The following ACVR1 variants were observed in gnomAD, a reference collection of about 807,000 sequenced individuals.
The protein encoded by ACVR1 is activin A receptor type 1.
ACVR1 carries 38 observed loss-of-function variants against 57.1 expected under a neutral mutation model. The ratio of observed to expected loss-of-function variants is 0.67; its 90% CI spans 0.51 to 0.87. The LOEUF (loss-of-function observed/expected upper bound fraction) is 0.87, where lower values mean the gene tolerates loss of function less well. ACVR1 is among the 40% of genes least tolerant of loss of function. The pLI is 0.00. For missense variants in ACVR1, 463 were observed against 638.2 expected (o/e 0.73, Z 2.96); for synonymous variants, 212 against 228.1 (o/e 0.93, Z 0.63).
intron 1 of ACVR1, among the ~76,000 whole-genome samples, chr2:157,830,349 A>C (rs921597397): frequency 6.6e-6 from 1 of 152,178 alleles, no homozygotes; most frequent in Non-Finnish European, 1.5e-5. Flanking sequence ...AAGAAATAAT[A>C]ATGCTAATGG....
intron 5 of ACVR1, among the ~76,000 whole-genome samples, chr2:157,775,364 C>T (rs1686240467): frequency 6.6e-6 from 1 of 152,192 alleles, no homozygotes; most frequent in Admixed American, 6.5e-5. Flanking sequence ...AGGTATCAGG[C>T]ATAGATTATC....
At chr2:157,840,840 A>G (rs899388646) in intron 1 of ACVR1, among the ~76,000 whole-genome samples, 4 of 152,254 alleles carry the variant, frequency 2.6e-5, no homozygotes, top group African/African-American at 9.6e-5. Flanking sequence ...GCAGCCGTCC[A>G]CTTTATCATT....
chr2:157,837,342 G>A lies in ACVR1; in HGVS notation c.-182-18783C>T, dbSNP rs777719813. Among the ~76,000 whole-genome samples, 8 of 152,212 alleles carry A rather than the reference G, an allele frequency of 5.3e-5. 1 individual carries two copies. The highest frequency in any genetic ancestry group is 7.4e-5 in the Non-Finnish European group (5 of 68,022). ...CAGTAAGTTCCCAAAGTCAGGTCTCGTCTGAGCACAGCCTTACCTGGCCCA... is the reference window on the plus strand; with the variant it reads ...CAGTAAGTTCCCAAAGTCAGGTCTCATCTGAGCACAGCCTTACCTGGCCCA... On this transcript the variant is annotated intron_variant, in intron 1 of 10. Transcript: ENST00000434821.
In ACVR1 at chr2:157,737,340, T is replaced by C; in HGVS notation, c.*191A>G. On this transcript the variant is annotated 3_prime_UTR_variant, in exon 11 of 11. Transcript: ENST00000434821. ...AGTTCGTGAAATGCCCAGTTCACAG[T>C]CATCGAGCGAGGTTAGGGTGGTTTT... 1.5e-6 allele frequency: 1 copy of C among 685,588 alleles called. No homozygotes were observed. Among genetic ancestry groups the C allele is most frequent in the Non-Finnish European group, 2.6e-6 (1 of 389,192 alleles). The allele number at this position is 685,588 out of a possible 1,614,324, so 42.5% of individuals were successfully genotyped here.
chr2:157,779,835 G>A (rs58102442), intron 4 of ACVR1, among the ~76,000 whole-genome samples: 1 of 152,182 alleles, frequency 6.6e-6, no homozygotes, highest in African/African-American at 2.4e-5. Context: ...TCAAATTTCA[G>A]TGATAGGGTC....
chr2:157,871,515 G>A (rs187943677), intron 1 of ACVR1, among the ~76,000 whole-genome samples: 122 of 152,256 alleles, frequency 8.0e-4, no homozygotes, highest in Non-Finnish European at 7.9e-4. Context: ...AATTTAGGAA[G>A]ACTGAAATTT....
intron 1 of ACVR1, among the ~76,000 whole-genome samples, chr2:157,829,357 C>G (rs1688504188): frequency 6.6e-6 from 1 of 152,216 alleles, no homozygotes; most frequent in African/African-American, 2.4e-5. Flanking sequence ...AACCCCATCG[C>G]TGCCTACAAC....
At chr2:157,737,921 G>A (rs1398415380) in intron 10 of ACVR1, among the ~76,000 whole-genome samples, 1 of 152,120 alleles carries the variant, frequency 6.6e-6, no homozygotes, top group Non-Finnish European at 1.5e-5. Flanking sequence ...GGCCAGATTG[G>A]ACCCCTTAAT....
At chr2:157,839,164 G>T (rs1433992620) in intron 1 of ACVR1, among the ~76,000 whole-genome samples, 1 of 152,176 alleles carries the variant, frequency 6.6e-6, no homozygotes, top group Admixed American at 6.5e-5. Flanking sequence ...TGGAAGCTGT[G>T]CCCAGAGCCC....
At chr2:157,808,092 TATATTATCCCACCATATCTTCTTCTTAG>T (rs1687626321) in intron 2 of ACVR1, among the ~76,000 whole-genome samples, 2 of 152,100 alleles carry the variant, frequency 1.3e-5, no homozygotes, top group Admixed American at 1.3e-4. Flanking sequence ...CCCCATAAAC[TATATTATCCCACCATATCTTCTTCTTAG>T]CACTTAACAA....
At chr2:157,792,873 C>T (rs1350201034) in intron 3 of ACVR1, among the ~76,000 whole-genome samples, 2 of 152,198 alleles carry the variant, frequency 1.3e-5, no homozygotes, top group Non-Finnish European at 2.9e-5. Flanking sequence ...AGTTTGAAAG[C>T]CACCTCGCCT....
At chr2:157,828,441 C>T (rs1013477646) in intron 1 of ACVR1, among the ~76,000 whole-genome samples, 48 of 130,064 alleles carry the variant, frequency 3.7e-4, no homozygotes, top group African/African-American at 1.3e-3. Flanking sequence ...CAGAGCAAGA[C>T]TCCGTCTCAA....
In ACVR1 at chr2:157,778,215, G is replaced by A; in HGVS notation, c.459C>T (p.Asn153=). 1 of 1,614,044 alleles carries A rather than the reference G, an allele frequency of 6.2e-7. No homozygotes were observed. Among genetic ancestry groups the A allele is most frequent in the South Asian group, 1.1e-5 (1 of 91,070 alleles). Residue 153 remains asparagine (N), a synonymous_variant, in exon 5 of 11, where the codon AAC becomes AAT. Transcript: ENST00000434821. ...GVALRKFKRR[N]QERLNPRDVE... ...CGTCTCGGGGATTGAGGCGTTCTTG[G>A]TTGCGCCTTTTAAATTTTCGGAGAG...
At chr2:157,874,849 A>C (rs1043530159) in intron 1 of ACVR1, 1 of 152,246 alleles carries the variant, frequency 6.6e-6, no homozygotes, top group Non-Finnish European at 1.5e-5. Context: ...AAAATTGACA[A>C]GTCCATTGTA....
At chr2:157,855,268 AAGTGTGTGTGT>A (rs1387982574) in intron 1 of ACVR1, among the ~76,000 whole-genome samples, 69 of 107,144 alleles carry the variant, frequency 6.4e-4, no homozygotes, top group African/African-American at 2.6e-3. Context: ...AAAAAAAAAA[AAGTGTGTGTGT>A]GTGTGTGTGT....
intron 1 of ACVR1, among the ~76,000 whole-genome samples, chr2:157,865,750 G>A (rs866877239): frequency 2.7e-5 from 4 of 147,226 alleles, no homozygotes; most frequent in East Asian, 2.0e-4. Flanking sequence ...AGCCGATATC[G>A]CGCCACTGCA....
rs141668243 is a variant in ACVR1 at position 157,812,443 on chromosome 2, A to G, written c.-8+5942T>C. Among the ~76,000 whole-genome samples the G allele has an allele frequency of 3.3e-5, 5 of 152,336 alleles. No homozygotes were observed. The East Asian group carries it at 9.6e-4, about 29-fold the overall frequency. The stretch of plus-strand genomic sequence containing the variant: ...TTAAAAAAAAGGCAAGGAGGCAATT[A>G]CTATAGTGTATATACTACATAATAT... On this transcript the variant is annotated intron_variant, in intron 2 of 10. Coordinates refer to ENST00000434821, the MANE Select transcript of ACVR1 (RefSeq NM_001111067.4).
intron 3 of ACVR1, among the ~76,000 whole-genome samples, chr2:157,782,712 G>A (rs1309383131): frequency 6.6e-6 from 1 of 152,178 alleles, no homozygotes; most frequent in African/African-American, 2.4e-5. Context: ...GGTGGAGTGA[G>A]GGGGAGAGTT....
chr2:157,781,421 T>C (rs1442235785), intron 3 of ACVR1, among the ~76,000 whole-genome samples: 1 of 152,240 alleles, frequency 6.6e-6, no homozygotes, highest in Non-Finnish European at 1.5e-5. Flanking sequence ...ATGGTACCAA[T>C]ATTTCCAGCT....
Sources: gnomAD v4.1 joint callset for allele counts (sites outside exome capture counted in the v4.1 genomes callset) on GRCh38, gnomAD v4.1.1 for gene constraint, MANE v1.5 for transcripts, NCBI Gene and HGNC (gene_info 2026-07-23, HGNC 2026-07-21) for gene names.